The following EXOC2 variants were observed in gnomAD, a reference collection of about 807,000 sequenced individuals.
The protein encoded by EXOC2 is exocyst complex component 2, also known as SEC5-like 1.
In EXOC2, 70 loss-of-function variants were observed where a neutral mutation model predicts 131.8. The ratio of observed to expected loss-of-function variants is 0.53; its 90% CI spans 0.44 to 0.65. EXOC2 has a LOEUF of 0.65. Ranked by LOEUF, EXOC2 falls within the 30% of genes least tolerant of loss-of-function variation. EXOC2 has a pLI of 0.00. For synonymous variants in EXOC2, 411 were observed against 398.4 expected (o/e 1.03, Z -0.38); for missense variants, 923 against 1,108.6 (o/e 0.83, Z 2.38).
chr6:536,096 G>A (rs2127545557), intron 22 of EXOC2, among the ~76,000 whole-genome samples: 1 of 152,264 alleles, frequency 6.6e-6, no homozygotes, highest in East Asian at 1.9e-4. Flanking sequence ...GCTTTCTCCA[G>A]AAGATCAGGA....
At chr6:579,596 C>G (rs1462519009) in intron 11 of EXOC2, among the ~76,000 whole-genome samples, 1 of 152,210 alleles carries the variant, frequency 6.6e-6, no homozygotes, top group Non-Finnish European at 1.5e-5. Flanking sequence ...ACAGTGGGTA[C>G]TAGCTTAGAA....
chr6:653,370 T>A (rs932574553), intron 1 of EXOC2, among the ~76,000 whole-genome samples: 2 of 152,250 alleles, frequency 1.3e-5, no homozygotes, highest in Admixed American at 6.5e-5. Flanking sequence ...AAAGGAAAAA[T>A]TATTGATGGA....
chr6:656,999 G>A (rs1056757873), intron 1 of EXOC2: 30 of 1,406,534 alleles, frequency 2.1e-5, no homozygotes, highest in Non-Finnish European at 2.7e-5. Context: ...CGTGCCACAA[G>A]CCCTTCCGGT....
chr6:651,872 A>G (rs1051888504), intron 1 of EXOC2, among the ~76,000 whole-genome samples: 5 of 151,948 alleles, frequency 3.3e-5, no homozygotes, highest in Admixed American at 2.0e-4. Flanking sequence ...TCTGATGAAC[A>G]TAGTGAAACC....
At chr6:572,479 C>T (rs1561872549) in intron 13 of EXOC2, 41 bp downstream of exon 13, 5 of 1,576,858 alleles carry the variant, frequency 3.2e-6, no homozygotes, top group Admixed American at 2.0e-5. Context: ...CAGAAATGCA[C>T]GGTGACTCAG....
chr6:567,705 C>T (rs1414755856), intron 13 of EXOC2, among the ~76,000 whole-genome samples: 1 of 151,996 alleles, frequency 6.6e-6, no homozygotes, highest in Non-Finnish European at 1.5e-5. Context: ...CATACATGTG[C>T]ATGTGTATAT....
intron 7 of EXOC2, among the ~76,000 whole-genome samples, chr6:605,374 T>C (rs1035441371): frequency 3.9e-5 from 6 of 152,254 alleles, no homozygotes; most frequent in Non-Finnish European, 8.8e-5. Flanking sequence ...GTACAACTAA[T>C]ATTTAATATA....
intron 1 of EXOC2, among the ~76,000 whole-genome samples, chr6:658,448 T>C (rs1297374773): frequency 1.3e-5 from 2 of 151,900 alleles, no homozygotes; most frequent in African/African-American, 4.8e-5. Context: ...ATACTTAGAC[T>C]TCTTTGTTTG....
At chr6:560,230 A>G (rs1169524571) in intron 17 of EXOC2, among the ~76,000 whole-genome samples, 1 of 152,196 alleles carries the variant, frequency 6.6e-6, no homozygotes, top group African/African-American at 2.4e-5. Flanking sequence ...CCTAACCCAC[A>G]TCACTGTGAA....
chr6:596,923 T>TA (rs1163652988), intron 10 of EXOC2, among the ~76,000 whole-genome samples: 1 of 152,218 alleles, frequency 6.6e-6, no homozygotes, highest in Non-Finnish European at 1.5e-5. Context: ...TGACATAAAC[T>TA]ACATGTACAT....
intron 1 of EXOC2, chr6:689,344 G>GC (rs1764810098): frequency 6.6e-6 from 1 of 152,228 alleles, no homozygotes; most frequent in Non-Finnish European, 1.5e-5. Flanking sequence ...TTTTGAGCTG[G>GC]CCTAATAAAA....
At chr6:572,493 C>T (rs1288343174) in intron 13 of EXOC2, 27 bp downstream of exon 13, 1 of 1,588,530 alleles carries the variant, frequency 6.3e-7, no homozygotes, top group African/African-American at 1.4e-5. Context: ...GACTCAGCTC[C>T]ACCTCTAGCC....
At chr6:651,778 C>T (rs992577024) in intron 1 of EXOC2, among the ~76,000 whole-genome samples, 8 of 151,824 alleles carry the variant, frequency 5.3e-5, no homozygotes, top group African/African-American at 1.9e-4. Context: ...TCTTCACAGG[C>T]CGGGCACAGT....
At chr6:529,267 AC>A (rs1171035097) in intron 23 of EXOC2, among the ~76,000 whole-genome samples, 1 of 152,212 alleles carries the variant, frequency 6.6e-6, no homozygotes, top group Non-Finnish European at 1.5e-5. Context: ...TTTTCCGAAG[AC>A]ACCTTGGAGC....
At chr6:558,740 G>C (rs921604353) in intron 17 of EXOC2, among the ~76,000 whole-genome samples, 4 of 152,042 alleles carry the variant, frequency 2.6e-5, no homozygotes, top group African/African-American at 9.7e-5. Context: ...TTGAACCAGG[G>C]AGGCAGATGT....
At chr6:577,006 A>G in intron 11 of EXOC2, 124 bp from the exon 12 acceptor site, 1 of 752,320 alleles carries the variant, frequency 1.3e-6, no homozygotes, top group Non-Finnish European at 2.0e-6. Flanking sequence ...TAAATAAGGC[A>G]TTTATTAAAT....
chr6:603,495 C>T (rs949422451), intron 7 of EXOC2, among the ~76,000 whole-genome samples: 3 of 152,188 alleles, frequency 2.0e-5, no homozygotes, highest in Non-Finnish European at 4.4e-5. Flanking sequence ...TCAAGAGCAA[C>T]TGTCAGTATC....
chr6:510,196 GACTA>G (rs1194550776), intron 23 of EXOC2, among the ~76,000 whole-genome samples: 6 of 152,094 alleles, frequency 3.9e-5, no homozygotes, highest in Non-Finnish European at 7.4e-5. Flanking sequence ...GCTCTTGTTG[GACTA>G]ACTAAAGAGT....
intron 20 of EXOC2, 74 bp downstream of exon 20, chr6:555,153 C>A: frequency 1.2e-6 from 1 of 826,904 alleles, no homozygotes; most frequent in South Asian, 3.5e-5. Flanking sequence ...GGATATAAGA[C>A]CAAGCATAAA....
Sources: allele counts gnomAD v4.1 joint callset (sites outside exome capture counted in the v4.1 genomes callset), GRCh38; gene constraint gnomAD v4.1.1; transcripts MANE v1.5; gene names NCBI Gene and HGNC (gene_info 2026-07-23, HGNC 2026-07-21).